ATG10: variants seen among roughly 807,000 people sequenced by gnomAD.
The protein encoded by ATG10 is ubiquitin-like-conjugating enzyme ATG10.
Under a neutral mutation model 32.1 loss-of-function variants are expected in ATG10, and 30 were observed. That is an observed-to-expected ratio of 0.94 (90% CI 0.70 to 1.27). The LOEUF (loss-of-function observed/expected upper bound fraction) is 1.27. Among genes scored for constraint, ATG10 ranks in the 50% most tolerant of loss-of-function variants. ATG10 has a pLI of 0.00. For synonymous variants in ATG10, 87 were observed against 91.5 expected (o/e 0.95, Z 0.28); for missense variants, 233 against 262.3 (o/e 0.89, Z 0.77).
At chr5:82,157,511 T>C (rs1183508511) in intron 3 of ATG10, among the ~76,000 whole-genome samples, 1 of 152,158 alleles carries the variant, frequency 6.6e-6, no homozygotes, top group Non-Finnish European at 1.5e-5. Flanking sequence ...GGAATTAAGA[T>C]AGTGAAAAGA....
intron 1 of ATG10, among the ~76,000 whole-genome samples, chr5:81,974,092 A>T (rs1268569765): frequency 6.6e-6 from 1 of 152,174 alleles, no homozygotes; most frequent in East Asian, 1.9e-4. Flanking sequence ...AAACAAGGAG[A>T]GTAAAGCTTA....
At chr5:82,109,134 AGG>A (rs912978277) in intron 3 of ATG10, among the ~76,000 whole-genome samples, 2 of 152,084 alleles carry the variant, frequency 1.3e-5, no homozygotes, top group Non-Finnish European at 2.9e-5. Context: ...AAGAGACAGA[AGG>A]AGCCTGCACA....
At chr5:82,229,957 T>G (rs1326845812) in intron 5 of ATG10, among the ~76,000 whole-genome samples, 1 of 152,172 alleles carries the variant, frequency 6.6e-6, no homozygotes, top group African/African-American at 2.4e-5. Flanking sequence ...TGGCAAACTA[T>G]TTTTGAAAAG....
At chr5:82,209,881 T>G (rs1309268002) in intron 5 of ATG10, among the ~76,000 whole-genome samples, 1 of 152,210 alleles carries the variant, frequency 6.6e-6, no homozygotes, top group African/African-American at 2.4e-5. Context: ...CCCACTGACT[T>G]TTGTTTCACT....
At chr5:81,997,245 A>T (rs1053207234) in intron 2 of ATG10, among the ~76,000 whole-genome samples, 2 of 152,158 alleles carry the variant, frequency 1.3e-5, no homozygotes, top group Admixed American at 1.3e-4. Flanking sequence ...CACCCATTGG[A>T]GTGTTGTGGC....
In ATG10 at chr5:82,089,154, C is replaced by G. The variant is rs577887787; in HGVS notation, c.216+30552C>G. Among the ~76,000 whole-genome samples, 21 of 151,680 alleles carry G rather than the reference C, an allele frequency of 1.4e-4. No individual in the cohort carries two copies. The East Asian group carries it at 4.1e-3, about 29-fold the overall frequency. On this transcript the variant is annotated intron_variant, in intron 3 of 7. Coordinates refer to ENST00000282185, the MANE Select transcript of ATG10 (RefSeq NM_031482.5). ...ATCACCTTAGGTCGGGAGTTCGAGA[C>G]ACACATGGAGAAACCCCGTCTCTAC...
intron 5 of ATG10, among the ~76,000 whole-genome samples, chr5:82,191,970 G>A (rs894003804): frequency 3.3e-5 from 5 of 152,122 alleles, no homozygotes; most frequent in East Asian, 3.9e-4. Flanking sequence ...GTTCTCACAC[G>A]TCTCAAATAG....
intron 2 of ATG10, among the ~76,000 whole-genome samples, chr5:82,001,873 T>A (rs1391006257): frequency 6.6e-6 from 1 of 152,210 alleles, no homozygotes; most frequent in African/African-American, 2.4e-5. Context: ...GAGAAAATGT[T>A]TGCAAACTAT....
At chr5:82,240,052 T>C (rs188276652) in intron 5 of ATG10, among the ~76,000 whole-genome samples, 1 of 152,222 alleles carries the variant, frequency 6.6e-6, no homozygotes, top group East Asian at 1.9e-4. Context: ...GAAAGGGGAA[T>C]GTTCATACAC....
chr5:82,159,372 A>G (rs1188825789), intron 3 of ATG10, among the ~76,000 whole-genome samples: 3 of 152,144 alleles, frequency 2.0e-5, no homozygotes, highest in Admixed American at 2.0e-4. Context: ...GAAACTGTAG[A>G]AAGTGAAACT....
intron 1 of ATG10, 28 bp from the exon 2 acceptor site, chr5:81,987,531 A>G (rs1471049173): frequency 2.1e-6 from 3 of 1,403,374 alleles, no homozygotes; most frequent in African/African-American, 2.9e-5. Context: ...TCTAAAGTTG[A>G]TGCTAATACT....
chr5:82,052,690 G>C (rs989285320), intron 2 of ATG10, among the ~76,000 whole-genome samples: 2 of 152,224 alleles, frequency 1.3e-5, no homozygotes, highest in East Asian at 3.9e-4. Flanking sequence ...GATATATTCA[G>C]TGTACACATA....
At chr5:82,246,072 T>G (rs1004523433) in intron 5 of ATG10, among the ~76,000 whole-genome samples, 1 of 18,688 alleles carries the variant, frequency 5.4e-5, no homozygotes, top group South Asian at 3.2e-3. Context: ...AATACTGACC[T>G]TTTTTTTTTT....
At chr5:82,155,464 T>A (rs905908836) in intron 3 of ATG10, among the ~76,000 whole-genome samples, 15 of 152,136 alleles carry the variant, frequency 9.9e-5, no homozygotes, top group African/African-American at 3.6e-4. Flanking sequence ...TTTTTGTAAA[T>A]AAAATGTCAC....
At chr5:82,152,723 T>C (rs547959048) in intron 3 of ATG10, among the ~76,000 whole-genome samples, 1 of 152,314 alleles carries the variant, frequency 6.6e-6, no homozygotes, top group South Asian at 2.1e-4. Context: ...TTAAAATTTT[T>C]ATATTTTAGT....
Position 81,972,067 on chromosome 5 carries a change from G to A in ATG10, c.-252G>A, listed in dbSNP as rs940351264. 5.9e-5 allele frequency: 9 copies of A among 151,820 alleles called. No individual in the cohort carries two copies. Among genetic ancestry groups the A allele is most frequent in the African/African-American group, 1.2e-4 (5 of 41,234 alleles). 9.4% of individuals were successfully genotyped at this position (151,820 alleles called of 1,614,324 possible). A position where few individuals can be genotyped will look rare whatever the true frequency, so the allele number is the denominator to read the frequency against. ...TCGGCCGTGGCGGACCTGACTGAAG[G>A]AGGCCGCGGACCTGACTGAAGGAGG... On this transcript the variant is annotated 5_prime_UTR_variant, in exon 1 of 8. Transcript: ENST00000282185.
chr5:82,209,259 G>T (rs1416443305), intron 5 of ATG10, among the ~76,000 whole-genome samples: 1 of 151,750 alleles, frequency 6.6e-6, no homozygotes, highest in Non-Finnish European at 1.5e-5. Flanking sequence ...TAACTTCATG[G>T]TTTTTTTCTA....
At chr5:82,233,863 A>G (rs148797087) in intron 5 of ATG10, among the ~76,000 whole-genome samples, 17 of 152,292 alleles carry the variant, frequency 1.1e-4, no homozygotes, top group African/African-American at 3.8e-4. Flanking sequence ...AAGCCATACA[A>G]ATTTTACTTG....
chr5:81,981,742 TTATA>T (rs1209748046), intron 1 of ATG10, among the ~76,000 whole-genome samples: 1 of 152,350 alleles, frequency 6.6e-6, no homozygotes, highest in African/African-American at 2.4e-5. Context: ...GTACATTGAT[TTATA>T]GATTCATCAA....
Sources: gnomAD v4.1 joint callset for allele counts (sites outside exome capture counted in the v4.1 genomes callset) on GRCh38, gnomAD v4.1.1 for gene constraint, MANE v1.5 for transcripts, NCBI Gene and HGNC (gene_info 2026-07-23, HGNC 2026-07-21) for gene names.